Variants in COL28A1 observed in about 807,000 individuals in gnomAD.
COL28A1 encodes collagen type XXVIII alpha 1 chain, also known as collagen alpha-1(XXVIII) chain.
In COL28A1, 161 loss-of-function variants were observed where a neutral mutation model predicts 150.2. The observed-to-expected ratio is 1.07, with a 90% CI of 0.94 to 1.22. The LOEUF is 1.22. Among genes scored for constraint, COL28A1 ranks in the 50% most tolerant of loss-of-function variants. The probability of loss-of-function intolerance (pLI) is 0.00; values close to 1 mark genes in which losing one functional copy is unlikely to be tolerated. For synonymous variants in COL28A1, 552 were observed against 469.7 expected, an observed-to-expected ratio of 1.18 and a Z score of -2.26; for missense variants, 1,617 against 1,388.3, an observed-to-expected ratio of 1.16 and a Z score of -2.62.
chr7:7,360,200 A>G (rs1780571258), intron 34 of COL28A1, among the ~76,000 whole-genome samples, 190 bp downstream of exon 34: 1 of 152,226 alleles, frequency 6.6e-6, no homozygotes, highest in Non-Finnish European at 1.5e-5. Context: ...CAAATTCTAC[A>G]TATAGTCCAG....
intron 27 of COL28A1, among the ~76,000 whole-genome samples, chr7:7,396,574 A>G (rs1244784099): frequency 2.0e-5 from 3 of 152,138 alleles, no homozygotes; most frequent in Non-Finnish European, 1.5e-5. Context: ...AACATTCTCT[A>G]ATGGGGACTA....
the COL28A1 span, among the ~76,000 whole-genome samples, chr7:7,341,292 A>C: frequency 6.6e-6 from 1 of 152,168 alleles, no homozygotes; most frequent in Admixed American, 6.5e-5. Flanking sequence ...TTCACTGATC[A>C]TATCTATTCA....
chr7:7,489,517 G>A (rs140051567), intron 12 of COL28A1, 60 bp from the exon 13 acceptor site: 155 of 867,380 alleles, frequency 1.8e-4, no homozygotes, highest in East Asian at 1.4e-3. Flanking sequence ...TAAACATAGC[G>A]CAAAGTTCTC....
At position 7,393,212 on chromosome 7, in the gene COL28A1, G is replaced by A. The variant is rs1003849585; in HGVS notation, c.2137-11600C>T. Among the ~76,000 whole-genome samples, 53 of 152,204 alleles carry A rather than the reference G, an allele frequency of 3.5e-4. 1 individual carries two copies. Among genetic ancestry groups the A allele is most frequent in the African/African-American group, 1.3e-3 (53 of 41,452 alleles). ...TTGTTAGTTTTCCTTCTAACAGTCTGGCCCCTCTGCTGCAGGTCTGCTGGA... is the reference window on the plus strand; with the variant it reads ...TTGTTAGTTTTCCTTCTAACAGTCTAGCCCCTCTGCTGCAGGTCTGCTGGA... On this transcript the variant is annotated intron_variant, in intron 27 of 34. Transcript: ENST00000399429.
chr7:7,444,324 T>G, intron 19 of COL28A1, 94 bp downstream of exon 19: 2 of 1,543,994 alleles, frequency 1.3e-6, no homozygotes, highest in Non-Finnish European at 1.8e-6. Context: ...AAACTAAGTT[T>G]GTCCTGAATG....
chr7:7,420,612 G>C (rs925495616), intron 25 of COL28A1, among the ~76,000 whole-genome samples: 3 of 152,210 alleles, frequency 2.0e-5, no homozygotes, highest in African/African-American at 7.2e-5. Flanking sequence ...ATATAATTTA[G>C]TACTCACAAT....
intron 18 of COL28A1, among the ~76,000 whole-genome samples, chr7:7,449,647 C>T (rs184079541): frequency 1.3e-5 from 2 of 151,820 alleles, no homozygotes; most frequent in Non-Finnish European, 2.9e-5. Context: ...ACAGATTTCA[C>T]AGGGTGGCTG....
At chr7:7,450,896 C>T (rs1398711271) in intron 18 of COL28A1, among the ~76,000 whole-genome samples, 1 of 151,994 alleles carries the variant, frequency 6.6e-6, no homozygotes, top group African/African-American at 2.4e-5. Flanking sequence ...AAACATAAGG[C>T]TGACTATAAA....
In COL28A1 at chr7:7,520,391, A is replaced by C. The variant is rs565804757; in HGVS notation, c.760-276T>G. 2.0e-5 allele frequency among the ~76,000 whole-genome samples: 3 copies of C among 152,338 alleles called. No homozygotes were observed. In the East Asian group the frequency reaches 5.8e-4, roughly 29 times the overall value. On this transcript the variant is annotated intron_variant, in intron 5 of 34. Coordinates refer to ENST00000399429, the MANE Select transcript of COL28A1 (RefSeq NM_001037763.3). ...AACAATCACTTCTCAGCAGTTTTGC[A>C]AACAAAATCAAACTCATGCAAAGAT...
intron 18 of COL28A1, among the ~76,000 whole-genome samples, chr7:7,447,803 G>C (rs904053541): frequency 2.0e-5 from 3 of 152,106 alleles, no homozygotes; most frequent in Admixed American, 6.6e-5. Context: ...TAAACACAGA[G>C]AGAAAAGAGA....
At position 7,373,496 on chromosome 7, in the gene COL28A1, C is replaced by T. The variant is rs747189653; in HGVS notation, c.2410G>A (p.Asp804Asn). The T allele has an allele frequency of 1.4e-5, 22 of 1,613,788 alleles. No individual in the cohort carries two copies. The highest frequency in any genetic ancestry group is 5.3e-5 in the African/African-American group (4 of 74,886). Reference protein sequence around the residue: ...ETPLELVFVIDSSESVGPENF... With the variant: ...ETPLELVFVINSSESVGPENF... ...TCTGGCCCCACGCTTTCTGAGCTGT[C>T]GATCACAAACACCAGCTCTAGTGGA... Residue 804 changes from aspartate (D) to asparagine (N), a missense_variant, in exon 32 of 35, where the codon GAC becomes AAC. Transcript: ENST00000399429. This position sits in a 1 kb window ranked among gnomAD's most constrained non-coding sequence, Gnocchi z 4.1.
chr7:7,444,441 C>T lies in COL28A1; in HGVS notation c.1558G>A (p.Glu520Lys). The change falls in exon 19 of 35, where the codon GAA (glutamate) becomes AAA (lysine). Residue 520 changes from glutamate to lysine, a missense_variant. Physicochemically the swap from Glu to Lys is moderately conservative, Grantham distance 56. Transcript: ENST00000399429. ...GLPGQPGVPG[E>K]DGAAGKKGEA... ...ACCTTCTTCCCTGCAGCTCCATCTT[C>T]TCCTGGTACTCCTGGTTGTCCTGGG... The T allele has an allele frequency of 8.1e-6, 13 of 1,614,106 alleles. No homozygotes were observed. The highest frequency in any genetic ancestry group is 1.1e-5 in the Non-Finnish European group (13 of 1,179,992).
chr7:7,489,411 C>G lies in COL28A1; in HGVS notation c.1142G>C (p.Gly381Ala). The part of the protein sequence containing the change: ...EGRPGAPGPI[G>A]VGEPGQPGPR... ...TACTGGCTGTCCAGGCTCACCAACT[C>G]CAATGGGTCCTGGAGCTCCCGGTCT... Residue 381 changes from glycine (G) to alanine (A), a missense_variant, in exon 13 of 35, where the codon GGA (glycine) becomes GCA (alanine). Gly to Ala is a moderately conservative substitution (Grantham distance 60). Transcript: ENST00000399429. The G allele has an allele frequency of 1.4e-6, 2 of 1,456,756 alleles. No individual in the cohort carries two copies. The highest frequency in any genetic ancestry group is 1.9e-6 in the Non-Finnish European group (2 of 1,036,180). The allele number at this position is 1,456,756 out of a possible 1,614,324, so 90.2% of individuals were successfully genotyped here.
At chr7:7,529,686 G>T (rs1417206700) in intron 3 of COL28A1, among the ~76,000 whole-genome samples, 2 of 152,168 alleles carry the variant, frequency 1.3e-5, no homozygotes, top group African/African-American at 4.8e-5. Context: ...CAAACAAGGA[G>T]CTGCCTGTCC....
rs772797541 is a variant in COL28A1, at chr7:7,524,233, T to C, written c.698A>G (p.Lys233Arg). The change falls in exon 4 of 35, where the codon AAG becomes AGG. Residue 233 changes from lysine (K) to arginine (R), a missense_variant. Physicochemically the swap from Lys to Arg is conservative, Grantham distance 26. Transcript: ENST00000399429. ...IQDRLDILFEKKCERKICECE... is the reference protein window; with the variant it reads ...IQDRLDILFERKCERKICECE... ...ATCAAAGCATGTGGTGCTTACCTTC[T>C]TTTCAAATAAGATATCCTACAAGGG... 3 of 1,350,440 alleles carry C rather than the reference T, an allele frequency of 2.2e-6. No homozygotes were observed. The highest frequency in any genetic ancestry group is 4.6e-5 in the East Asian group (2 of 43,690). The allele number at this position is 1,350,440 out of a possible 1,614,324, so 83.7% of individuals were successfully genotyped here. A position where few individuals can be genotyped will look rare whatever the true frequency, so the allele number is the denominator to read the frequency against.
chr7:7,481,261 G>A (rs1362654655), intron 13 of COL28A1, among the ~76,000 whole-genome samples: 1 of 152,182 alleles, frequency 6.6e-6, no homozygotes, highest in Non-Finnish European at 1.5e-5. Flanking sequence ...GCTGAGAACG[G>A]AGAGTTAATG....
chr7:7,469,737 G>A (rs1191751508), intron 15 of COL28A1, among the ~76,000 whole-genome samples: 5 of 46,232 alleles, frequency 1.1e-4, no homozygotes, highest in African/African-American at 3.4e-4. Flanking sequence ...AACCAAAACA[G>A]CATGGTACTG....
intron 27 of COL28A1, among the ~76,000 whole-genome samples, chr7:7,392,045 C>T (rs901558169): frequency 6.6e-6 from 1 of 152,018 alleles, no homozygotes. Flanking sequence ...TTATTTTGCT[C>T]ATTAGTTGAT....
chr7:7,412,166 C>T (rs1284039377), intron 27 of COL28A1, among the ~76,000 whole-genome samples: 1 of 152,054 alleles, frequency 6.6e-6, no homozygotes, highest in Non-Finnish European at 1.5e-5. Context: ...GGATACATGT[C>T]AAGTCCTGGC....
Sources: gnomAD v4.1 joint callset for allele counts (sites outside exome capture counted in the v4.1 genomes callset) on GRCh38, gnomAD v4.1.1 for gene constraint, Gnocchi (gnomAD v3.1) non-coding constraint, MANE v1.5 for transcripts, NCBI Gene and HGNC (gene_info 2026-07-23, HGNC 2026-07-21) for gene names.